Variants in SLC25A21 observed in about 807,000 individuals in gnomAD.
The protein encoded by SLC25A21 is mitochondrial 2-oxodicarboxylate carrier.
SLC25A21 carries 47 observed loss-of-function variants against 43.8 expected under a neutral mutation model. The observed-to-expected ratio is 1.07, with a 90% CI of 0.85 to 1.37. The LOEUF (loss-of-function observed/expected upper bound fraction) is 1.37. SLC25A21 is among the 40% of genes most tolerant of loss of function. SLC25A21 has a pLI of 0.00. For synonymous variants in SLC25A21, 131 were observed against 121.3 expected, an observed-to-expected ratio of 1.08 and a Z score of -0.52; for missense variants, 352 against 350.2, an observed-to-expected ratio of 1.00 and a Z score of -0.04.
At chr14:36,920,161 C>T (rs578031042) in intron 1 of SLC25A21, among the ~76,000 whole-genome samples, 5 of 151,910 alleles carry the variant, frequency 3.3e-5, no homozygotes, top group South Asian at 2.1e-4. Flanking sequence ...TTTTCACTTA[C>T]GGCAGTACAA....
chr14:36,952,190 C>G (rs1264979313), intron 1 of SLC25A21: 7 of 152,970 alleles, frequency 4.6e-5, no homozygotes, highest in African/African-American at 1.2e-4. Context: ...GAGATTGCGC[C>G]ACTGCACTCC....
At chr14:36,862,691 T>C (rs1890106224) in intron 2 of SLC25A21, among the ~76,000 whole-genome samples, 1 of 152,124 alleles carries the variant, frequency 6.6e-6, no homozygotes, top group African/African-American at 2.4e-5. Context: ...CAAACCACCA[T>C]GGCATGTGTA....
rs1326259105 is a variant in SLC25A21 at position 37,172,512 on chromosome 14, G to T, written c.-162C>A. On this transcript the variant is annotated 5_prime_UTR_variant, in exon 1 of 10. Transcript: ENST00000331299. ...GACTGCTGGAAAGCGAGGGTTCGAG[G>T]CGCAGATTCGTCGCGCGATCTCCGG... 1 of 793,058 alleles carries T rather than the reference G, an allele frequency of 1.3e-6. No individual in the cohort carries two copies. The highest frequency in any genetic ancestry group is 2.2e-6 in the Non-Finnish European group (1 of 459,942). The allele number at this position is 793,058 out of a possible 1,614,324, so 49.1% of individuals were successfully genotyped here. A position where few individuals can be genotyped will look rare whatever the true frequency, so the allele number is the denominator to read the frequency against.
At chr14:36,690,701 G>A (rs1358372178) in intron 7 of SLC25A21, among the ~76,000 whole-genome samples, 9 of 152,130 alleles carry the variant, frequency 5.9e-5, no homozygotes, top group Admixed American at 5.9e-4. Flanking sequence ...AAGTGGGGGT[G>A]TGAAAAAAAT....
chr14:36,691,768 T>C (rs946634099), intron 7 of SLC25A21, among the ~76,000 whole-genome samples: 1 of 152,244 alleles, frequency 6.6e-6, no homozygotes, highest in Non-Finnish European at 1.5e-5. Context: ...AAAAGTTCTT[T>C]TTAAATATTT....
chr14:36,926,373 C>A (rs974148316), intron 1 of SLC25A21, among the ~76,000 whole-genome samples: 20 of 151,888 alleles, frequency 1.3e-4, no homozygotes, highest in African/African-American at 4.8e-4. Context: ...ATTCTTTAGA[C>A]AGGTCACAAG....
At chr14:36,939,802 C>A (rs1182688934) in intron 1 of SLC25A21, among the ~76,000 whole-genome samples, 3 of 152,000 alleles carry the variant, frequency 2.0e-5, no homozygotes, top group Non-Finnish European at 4.4e-5. Flanking sequence ...AAAATCAGCG[C>A]CATTAGAACC....
intron 1 of SLC25A21, among the ~76,000 whole-genome samples, chr14:37,102,672 AGT>A (rs1044449481): frequency 3.9e-5 from 6 of 152,080 alleles, no homozygotes; most frequent in African/African-American, 1.4e-4. Flanking sequence ...CAGAAAAACC[AGT>A]GTGCTCTCAG....
chr14:36,723,118 C>T (rs1884441493), intron 6 of SLC25A21, among the ~76,000 whole-genome samples: 1 of 152,184 alleles, frequency 6.6e-6, no homozygotes, highest in African/African-American at 2.4e-5. Flanking sequence ...AAGGCTTCGG[C>T]ATTATTGAGT....
At position 37,172,303 on chromosome 14, in the gene SLC25A21, C is replaced by G; in HGVS notation, c.48G>C (p.Gln16His). Residue 16 changes from glutamine (Q) to histidine (H), a missense_variant, in exon 1 of 10, where the codon CAG (glutamine) becomes CAC (histidine). Physicochemically the swap from Gln to His is conservative, Grantham distance 24. Coordinates refer to ENST00000331299, the MANE Select transcript of SLC25A21 (RefSeq NM_030631.4). ...EVSLVREASRQIVAGGSAGLV... is the reference protein window; with the variant it reads ...EVSLVREASRHIVAGGSAGLV... ...TACCTGCAGAACCACCGGCCACGAT[C>G]TGCCGAGAAGCCTCGCGCACTAAGC... The G allele has an allele frequency of 6.2e-7, 1 of 1,601,244 alleles. No homozygotes were observed. Among genetic ancestry groups the G allele is most frequent in the East Asian group, 2.3e-5 (1 of 44,288 alleles).
chr14:36,949,675 T>A (rs958705957), intron 1 of SLC25A21, among the ~76,000 whole-genome samples: 6 of 152,218 alleles, frequency 3.9e-5, no homozygotes, highest in African/African-American at 1.4e-4. Context: ...TTTTTACTGT[T>A]ATTGCCATGA....
intron 2 of SLC25A21, among the ~76,000 whole-genome samples, chr14:36,836,955 T>C (rs1267663562): frequency 6.6e-6 from 1 of 152,036 alleles, no homozygotes; most frequent in Non-Finnish European, 1.5e-5. Context: ...GGACTCATCT[T>C]AGAAAAGAGA....
intron 1 of SLC25A21, among the ~76,000 whole-genome samples, chr14:37,075,186 G>A (rs985959099): frequency 6.6e-6 from 1 of 151,790 alleles, no homozygotes; most frequent in Non-Finnish European, 1.5e-5. Flanking sequence ...AATACCTCTC[G>A]ACTTAACGTT....
chr14:37,128,851 A>G (rs1336409550), intron 1 of SLC25A21, among the ~76,000 whole-genome samples: 2 of 152,066 alleles, frequency 1.3e-5, no homozygotes, highest in Non-Finnish European at 2.9e-5. Flanking sequence ...GCCTCCCAAA[A>G]TGCTGGGATT....
intron 2 of SLC25A21, among the ~76,000 whole-genome samples, chr14:36,838,132 C>T (rs1460985956): frequency 6.6e-6 from 1 of 152,086 alleles, no homozygotes; most frequent in Non-Finnish European, 1.5e-5. Context: ...GGAGGTGAAA[C>T]GTAAGGAAAT....
intron 1 of SLC25A21, among the ~76,000 whole-genome samples, chr14:37,065,915 G>T (rs1441352130): frequency 6.6e-6 from 1 of 152,126 alleles, no homozygotes; most frequent in Admixed American, 6.5e-5. Context: ...AATTTGAAAC[G>T]AATGGTTTTT....
At chr14:37,119,168 G>A (rs556603413) in intron 1 of SLC25A21, among the ~76,000 whole-genome samples, 10 of 152,190 alleles carry the variant, frequency 6.6e-5, no homozygotes, top group Admixed American at 3.9e-4. Flanking sequence ...CTAGATGGTC[G>A]AAAAAGGAGA....
chr14:36,811,876 A>AT (rs1009121944), intron 3 of SLC25A21, among the ~76,000 whole-genome samples: 1 of 152,042 alleles, frequency 6.6e-6, no homozygotes, highest in Non-Finnish European at 1.5e-5. Context: ...GGGTTAGAGA[A>AT]TTTTTTTTAA....
chr14:37,083,412 CAACAAT>C (rs1480015311), intron 1 of SLC25A21, among the ~76,000 whole-genome samples: 2 of 152,254 alleles, frequency 1.3e-5, no homozygotes, highest in African/African-American at 2.4e-5. Flanking sequence ...TTCTCTTTAA[CAACAAT>C]AACAATAACA....
Sources: allele counts gnomAD v4.1 joint callset (sites outside exome capture counted in the v4.1 genomes callset), GRCh38; gene constraint gnomAD v4.1.1; transcripts MANE v1.5; gene names NCBI Gene and HGNC (gene_info 2026-07-23, HGNC 2026-07-21).